The following LYPLA1 variants were observed in gnomAD, a reference collection of about 807,000 sequenced individuals.
The protein encoded by LYPLA1 is acyl-protein thioesterase 1.
LYPLA1 carries 17 observed loss-of-function variants against 34.0 expected under a neutral mutation model. The ratio of observed to expected loss-of-function variants is 0.50; its 90% CI spans 0.34 to 0.75. The LOEUF is 0.75. Among genes scored for constraint, LYPLA1 ranks in the 30% least tolerant of loss-of-function variants. The pLI is 0.01. For synonymous variants in LYPLA1, 98 were observed against 100.8 expected, an observed-to-expected ratio of 0.97 and a Z score of 0.17; for missense variants, 203 against 288.8, an observed-to-expected ratio of 0.70 and a Z score of 2.15.
chr8:54,092,042 C>A (rs917635815), intron 2 of LYPLA1, among the ~76,000 whole-genome samples: 3 of 151,862 alleles, frequency 2.0e-5, no homozygotes, highest in Non-Finnish European at 2.9e-5. Context: ...TGCACTCCAG[C>A]CTGGGCAACA....
At position 54,055,034 on chromosome 8, in the gene LYPLA1, G is replaced by A. The variant is rs553878831; in HGVS notation, c.360+26C>T. 4.0e-4 allele frequency: 545 copies of A among 1,372,322 alleles called. 3 individuals carry two copies. In the South Asian group the frequency reaches 6.0e-3, roughly 15 times the overall value. 85.0% of individuals were successfully genotyped at this position (1,372,322 alleles called of 1,614,324 possible). A position where few individuals can be genotyped will look rare whatever the true frequency, so the allele number is the denominator to read the frequency against. ...TCTAAATAAGTATACTGATGGTACTGACATTCCACTCAAATTTTATCTTAC... is the reference window on the plus strand; with the variant it reads ...TCTAAATAAGTATACTGATGGTACTAACATTCCACTCAAATTTTATCTTAC... On this transcript the variant is annotated intron_variant, in intron 6 of 8. Coordinates refer to ENST00000316963, the MANE Select transcript of LYPLA1 (RefSeq NM_006330.4).
chr8:54,101,686 C>A (rs999716863), intron 1 of LYPLA1, 69 bp downstream of exon 1: 6 of 1,214,198 alleles, frequency 4.9e-6, no homozygotes, highest in Non-Finnish European at 6.2e-6. Flanking sequence ...CAACGCCCAC[C>A]CCGCGCGAGG....
At chr8:54,075,872 C>A (rs1314180843) in intron 2 of LYPLA1, among the ~76,000 whole-genome samples, 2 of 152,132 alleles carry the variant, frequency 1.3e-5, no homozygotes, top group East Asian at 3.9e-4. Context: ...AGGAAGATTG[C>A]ACTGCAGAAC....
At chr8:54,060,334 A>G (rs1806508448) in intron 5 of LYPLA1, among the ~76,000 whole-genome samples, 2 of 152,154 alleles carry the variant, frequency 1.3e-5, no homozygotes, top group Admixed American at 1.3e-4. Context: ...CATGTTGGTC[A>G]GCCTGATCTC....
Position 54,101,770 on chromosome 8 carries a change from C to A in LYPLA1, c.54G>T (p.Arg18=). ...TPLPAIVPAA[R]KATAAVIFLH... ...CGCCACTCACCGCAGCGGTGGCCTT[C>A]CGGGCGGCGGGCACGATGGCGGGCA... Residue 18 remains arginine, a synonymous_variant, in exon 1 of 9, where the codon CGG becomes CGT. Transcript: ENST00000316963. 1 of 1,300,676 alleles carries A rather than the reference C, an allele frequency of 7.7e-7. No homozygotes were observed. The highest frequency in any genetic ancestry group is 9.8e-7 in the Non-Finnish European group (1 of 1,016,240). 80.6% of individuals were successfully genotyped at this position (1,300,676 alleles called of 1,614,324 possible). A position where few individuals can be genotyped will look rare whatever the true frequency, so the allele number is the denominator to read the frequency against.
chr8:54,074,191 G>A (rs756583033), intron 2 of LYPLA1, among the ~76,000 whole-genome samples: 6 of 152,086 alleles, frequency 3.9e-5, no homozygotes, highest in Non-Finnish European at 5.9e-5. Context: ...GGAGAATGGC[G>A]GGAACCCGGG....
intron 2 of LYPLA1, chr8:54,073,698 A>G (rs1807668688): frequency 2.9e-6 from 1 of 341,476 alleles, no homozygotes; most frequent in African/African-American, 2.1e-5. Context: ...TAATGAATAC[A>G]TTTCCAAAAT....
At position 54,051,205 on chromosome 8, in the gene LYPLA1, A is replaced by G. The variant is rs1408589361; in HGVS notation, c.463-17T>C. 8.9e-6 allele frequency: 14 copies of G among 1,577,442 alleles called. No homozygotes were observed. The highest frequency in any genetic ancestry group is 1.2e-5 in the Non-Finnish European group (14 of 1,161,608). On this transcript the variant is annotated splice_polypyrimidine_tract_variant and intron_variant, in intron 7 of 8. Transcript: ENST00000316963. ...GATAGGACCCTGCAAAAAGCAAAAG[A>G]AGAAATAGTTTTATTTTTGTAAAAG...
chr8:54,101,148 G>GA (rs1178829098), intron 1 of LYPLA1, among the ~76,000 whole-genome samples: 1 of 151,254 alleles, frequency 6.6e-6, no homozygotes, highest in Non-Finnish European at 1.5e-5. Context: ...TAATGAATGG[G>GA]GGGGGGGTAG....
chr8:54,071,986 T>C (rs551427102), intron 2 of LYPLA1, among the ~76,000 whole-genome samples: 103 of 152,274 alleles, frequency 6.8e-4, no homozygotes, highest in African/African-American at 2.3e-3. Context: ...CTTCAAACTA[T>C]GCTACAGGGG....
At chr8:54,092,208 C>T (rs919681965) in intron 2 of LYPLA1, among the ~76,000 whole-genome samples, 1 of 134,354 alleles carries the variant, frequency 7.4e-6, no homozygotes, top group Non-Finnish European at 1.6e-5. Context: ...AGGAGAAAGA[C>T]GGAAGAGAAG....
intron 2 of LYPLA1, among the ~76,000 whole-genome samples, chr8:54,094,742 C>G (rs1258907149): frequency 1.1e-4 from 16 of 152,010 alleles, no homozygotes; most frequent in Non-Finnish European, 2.2e-4. Context: ...TAAGACAATC[C>G]TAGAAAAAGT....
rs1223544902 is a variant in LYPLA1 at position 54,046,515 on chromosome 8, TTA to T, written c.*1548_*1549del. ...TGATTTGTAGAAGTGAAATAACAGT[TTA>T]TGTTCTTCAAGGTAAAGAAAAATGA... On this transcript the variant is annotated 3_prime_UTR_variant, in exon 9 of 9. Coordinates refer to ENST00000316963, the MANE Select transcript of LYPLA1 (RefSeq NM_006330.4). 9 of 152,630 alleles carry T rather than the reference TTA, an allele frequency of 5.9e-5. No individual in the cohort carries two copies. The highest frequency in any genetic ancestry group is 1.0e-4 in the Non-Finnish European group (7 of 68,022). 9.5% of individuals were successfully genotyped at this position (152,630 alleles called of 1,614,324 possible). A position where few individuals can be genotyped will look rare whatever the true frequency, so the allele number is the denominator to read the frequency against.
intron 2 of LYPLA1, among the ~76,000 whole-genome samples, chr8:54,083,007 T>A (rs1033579093): frequency 2.0e-5 from 3 of 152,224 alleles, no homozygotes; most frequent in African/African-American, 7.2e-5. Flanking sequence ...ATCACAGACA[T>A]GAGCCACCGC....
chr8:54,082,613 C>G (rs940935063), intron 2 of LYPLA1, among the ~76,000 whole-genome samples: 1 of 152,306 alleles, frequency 6.6e-6, no homozygotes, highest in South Asian at 2.1e-4. Context: ...GCCATTGCAC[C>G]TGCCCAGGAT....
chr8:54,069,545 C>A (rs1416535062), intron 2 of LYPLA1, among the ~76,000 whole-genome samples: 1 of 151,990 alleles, frequency 6.6e-6, no homozygotes, highest in African/African-American at 2.4e-5. Flanking sequence ...GAAACCCCGT[C>A]TCTACTAAAT....
At chr8:54,101,646 C>A in intron 1 of LYPLA1, 109 bp downstream of exon 1, 2 of 1,151,686 alleles carry the variant, frequency 1.7e-6, no homozygotes, top group Non-Finnish European at 2.2e-6. Context: ...CCGGGAGGAG[C>A]GTCCTCGTCC....
chr8:54,081,693 G>A (rs1043034611), intron 2 of LYPLA1, among the ~76,000 whole-genome samples: 3 of 151,436 alleles, frequency 2.0e-5, no homozygotes, highest in Non-Finnish European at 4.4e-5. Flanking sequence ...GGGATTACAG[G>A]CGTGCACCAC....
intron 2 of LYPLA1, among the ~76,000 whole-genome samples, chr8:54,081,342 T>C (rs549773962): frequency 1.3e-5 from 2 of 152,108 alleles, no homozygotes; most frequent in Non-Finnish European, 2.9e-5. Flanking sequence ...ACCCTTGTTT[T>C]CCCTACTATA....
Sources: allele counts gnomAD v4.1 joint callset (sites outside exome capture counted in the v4.1 genomes callset), GRCh38; gene constraint gnomAD v4.1.1; transcripts MANE v1.5; gene names NCBI Gene and HGNC (gene_info 2026-07-23, HGNC 2026-07-21).